Variants in UST observed in about 807,000 individuals in gnomAD.
UST encodes the protein chondroitin sulfate 2-O-sulfotransferase.
In UST, 21 loss-of-function variants were observed where a neutral mutation model predicts 45.6. The observed-to-expected ratio is 0.46, with a 90% CI of 0.33 to 0.66. The LOEUF (loss-of-function observed/expected upper bound fraction) is 0.66, where lower values mean the gene tolerates loss of function less well. Ranked by LOEUF, UST falls within the 30% of genes least tolerant of loss-of-function variation. The pLI, the probability that UST is intolerant of heterozygous loss-of-function variation, is 0.02. For synonymous variants in UST, 215 were observed against 200.6 expected (o/e 1.07, Z -0.61); for missense variants, 463 against 512.4 (o/e 0.90, Z 0.93).
intron 1 of UST, among the ~76,000 whole-genome samples, chr6:148,819,219 A>G (rs1450169683): frequency 1.3e-5 from 2 of 152,250 alleles, no homozygotes; most frequent in Non-Finnish European, 2.9e-5. Context: ...TGATCCTGTT[A>G]GCAGAGATAA....
At chr6:148,795,841 TACGGG>T (rs1776939101) in intron 1 of UST, among the ~76,000 whole-genome samples, 1 of 152,256 alleles carries the variant, frequency 6.6e-6, no homozygotes, top group Admixed American at 6.5e-5. Flanking sequence ...GCCGATTCAT[TACGGG>T]CTGGTTAAAG....
intron 5 of UST, among the ~76,000 whole-genome samples, chr6:149,018,540 T>C (rs971640575): frequency 1.3e-5 from 2 of 152,212 alleles, no homozygotes; most frequent in South Asian, 2.1e-4. Context: ...AGAAACACCA[T>C]GTCCAACCTC....
chr6:148,866,060 T>TATTGGGGA (rs2114807756), intron 1 of UST, among the ~76,000 whole-genome samples: 1 of 152,064 alleles, frequency 6.6e-6, no homozygotes, highest in East Asian at 1.9e-4. Flanking sequence ...TACATATACA[T>TATTGGGGA]ATTGGGGAAA....
chr6:148,922,770 G>A (rs1779737648), intron 2 of UST, among the ~76,000 whole-genome samples: 1 of 149,220 alleles, frequency 6.7e-6, no homozygotes, highest in Non-Finnish European at 1.5e-5. Context: ...ACCATACCTG[G>A]CCTTCTTTTA....
intron 3 of UST, among the ~76,000 whole-genome samples, chr6:148,950,755 T>C (rs1451418270): frequency 6.6e-6 from 1 of 152,206 alleles, no homozygotes; most frequent in African/African-American, 2.4e-5. Context: ...CATCTGAATG[T>C]AGAGAGAGGT....
Position 148,790,192 on chromosome 6 carries a change from C to T in UST, c.247+42515C>T, listed in dbSNP as rs902904201. ...TAGCGTCTCCTCCTAAGGCGGCAGC[C>T]TCGCTGGGTGGATTGAGTGGTTACC... On this transcript the variant is annotated intron_variant, in intron 1 of 7. Transcript: ENST00000367463. This position sits in a 1 kb window ranked among gnomAD's most constrained non-coding sequence, Gnocchi z 4.2. Among the ~76,000 whole-genome samples the T allele has an allele frequency of 3.9e-5, 6 of 152,158 alleles. No individual in the cohort carries two copies. Among genetic ancestry groups the T allele is most frequent in the Non-Finnish European group, 8.8e-5 (6 of 68,018 alleles).
chr6:148,925,273 G>A (rs1369773652), intron 2 of UST, among the ~76,000 whole-genome samples: 2 of 152,198 alleles, frequency 1.3e-5, no homozygotes, highest in Admixed American at 1.3e-4. Context: ...AACGGTCTGA[G>A]GGGAGCAGAT....
At chr6:148,765,560 A>G (rs1776306076) in intron 1 of UST, among the ~76,000 whole-genome samples, 1 of 152,216 alleles carries the variant, frequency 6.6e-6, no homozygotes, top group Non-Finnish European at 1.5e-5. Context: ...AGTTAATACA[A>G]TCGTCACAGG....
intron 1 of UST, among the ~76,000 whole-genome samples, chr6:148,849,003 C>A (rs367899800): frequency 1.3e-5 from 2 of 152,026 alleles, no homozygotes. Flanking sequence ...CTGGAGTCCT[C>A]GTGTCCAAGG....
intron 2 of UST, among the ~76,000 whole-genome samples, chr6:148,896,158 C>T (rs760749387): frequency 3.3e-5 from 5 of 152,320 alleles, no homozygotes; most frequent in South Asian, 2.1e-4. Context: ...CCCCATTTCC[C>T]GGAGGGCAGG....
intron 4 of UST, among the ~76,000 whole-genome samples, chr6:148,957,004 G>A (rs1044607352): frequency 3.9e-5 from 6 of 152,180 alleles, no homozygotes; most frequent in Non-Finnish European, 4.4e-5. Context: ...AGTGAAGGGG[G>A]AGAGCATTCC....
At chr6:148,875,386 A>T (rs1778628981) in intron 1 of UST, among the ~76,000 whole-genome samples, 2 of 152,256 alleles carry the variant, frequency 1.3e-5, no homozygotes, top group Non-Finnish European at 2.9e-5. Context: ...TCAAGACAGT[A>T]TTGGAAAGTA....
intron 5 of UST, among the ~76,000 whole-genome samples, chr6:148,984,448 T>C (rs1781200663): frequency 6.6e-6 from 1 of 152,264 alleles, no homozygotes; most frequent in Non-Finnish European, 1.5e-5. Context: ...TAAAAAGATA[T>C]TCTAAATATT....
At chr6:148,782,807 C>T (rs1317207543) in intron 1 of UST, among the ~76,000 whole-genome samples, 2 of 152,170 alleles carry the variant, frequency 1.3e-5, no homozygotes, top group Non-Finnish European at 2.9e-5. Context: ...GGAATCTACT[C>T]CTGGCGAAGA....
intron 7 of UST, among the ~76,000 whole-genome samples, chr6:149,052,228 T>C (rs899111720): frequency 6.6e-5 from 10 of 152,226 alleles, no homozygotes; most frequent in African/African-American, 2.4e-4. Context: ...AATTGTTTCA[T>C]TTGGGGAGAT....
intron 4 of UST, among the ~76,000 whole-genome samples, chr6:148,963,158 G>T (rs961267739): frequency 1.3e-5 from 2 of 152,336 alleles, no homozygotes; most frequent in East Asian, 3.9e-4. Context: ...AATTGCTGAG[G>T]GATGTGATGT....
chr6:148,923,305 T>G (rs975374316), intron 2 of UST, among the ~76,000 whole-genome samples: 1 of 152,188 alleles, frequency 6.6e-6, no homozygotes, highest in South Asian at 2.1e-4. Flanking sequence ...AGGAGTGGAA[T>G]TTCTGGGTCA....
intron 1 of UST, among the ~76,000 whole-genome samples, chr6:148,848,669 CAAA>C (rs34813628): frequency 9.3e-4 from 95 of 102,558 alleles, no homozygotes; most frequent in African/African-American, 3.3e-3. Flanking sequence ...GACTCCATCT[CAAA>C]AAAAAAAAAA....
chr6:149,043,017 TTCTTTTTC>T (rs1488551768), intron 7 of UST, among the ~76,000 whole-genome samples: 1,498 of 135,026 alleles, frequency 0.011, 19 homozygotes, highest in African/African-American at 0.047. Context: ...CTTTCTTTCT[TTCTTTTTC>T]TTTCTTTCTT....
Sources: gnomAD v4.1 joint callset for allele counts (sites outside exome capture counted in the v4.1 genomes callset) on GRCh38, gnomAD v4.1.1 for gene constraint, Gnocchi (gnomAD v3.1) non-coding constraint, MANE v1.5 for transcripts, NCBI Gene and HGNC (gene_info 2026-07-23, HGNC 2026-07-21) for gene names.